Variants in SYNE1 observed in about 807,000 individuals in gnomAD.
SYNE1 encodes the protein spectrin repeat containing nuclear envelope protein 1.
SYNE1 carries 616 observed loss-of-function variants against 1,111.0 expected under a neutral mutation model. The ratio of observed to expected loss-of-function variants is 0.55; its 90% CI spans 0.52 to 0.59. The LOEUF is 0.59. Ranked by LOEUF, SYNE1 falls within the 20% of genes least tolerant of loss-of-function variation. SYNE1 has a pLI of 0.00. For synonymous variants in SYNE1, 3,855 were observed against 3,825.8 expected (o/e 1.01, Z -0.28); for missense variants, 10,006 against 10,417.0 (o/e 0.96, Z 1.72).
intron 3 of SYNE1, among the ~76,000 whole-genome samples, chr6:152,609,074 G>C (rs1477597777): frequency 6.6e-6 from 1 of 152,074 alleles, no homozygotes; most frequent in African/African-American, 2.4e-5. Context: ...GGTGATTTCT[G>C]CATTTCCAAC....
intron 130 of SYNE1, chr6:152,167,573 T>C: frequency 3.0e-6 from 1 of 336,920 alleles, no homozygotes; most frequent in Non-Finnish European, 6.0e-6. Context: ...TTTGCACATA[T>C]ATTTTATAAG....
In SYNE1 at chr6:152,262,909, G is replaced by A. The variant is rs2092220638; in HGVS notation, c.18816-721C>T. Among the ~76,000 whole-genome samples the A allele has an allele frequency of 2.6e-5, 4 of 152,178 alleles. No individual in the cohort carries two copies. The South Asian group carries it at 8.3e-4, about 32-fold the overall frequency. ...GTACAGGGCACGGAGGGATAGTACA[G>A]GGCCTGGGAAGGTAGCACAGGACAC... On this transcript the variant is annotated intron_variant, in intron 100 of 145. Transcript: ENST00000367255.
chr6:152,469,858 A>C (rs2098795394), intron 16 of SYNE1, among the ~76,000 whole-genome samples: 1 of 152,160 alleles, frequency 6.6e-6, no homozygotes, highest in South Asian at 2.1e-4. Context: ...ATCTAAAACA[A>C]TGTGAAACCC....
chr6:152,461,683 C>A lies in SYNE1; in HGVS notation c.2308G>T (p.Ala770Ser), dbSNP rs767407271. ...DAQYKIITKT[A>S]HLITKESPQE... ...GGGCTTTCTTTGGTAATGAGGTGTG[C>A]TGTCTTTGTAATTATCTTGTATTGG... is the stretch of plus-strand genomic sequence containing the variant. Residue 770 changes from alanine (A) to serine (S), a missense_variant, in exon 21 of 146, where the codon GCA becomes TCA. Ala to Ser is a moderately conservative substitution (Grantham distance 99, BLOSUM62 1). Transcript: ENST00000367255. 1.2e-6 allele frequency: 2 copies of A among 1,613,916 alleles called. No individual in the cohort carries two copies. Among genetic ancestry groups the A allele is most frequent in the Admixed American group, 1.7e-5 (1 of 59,980 alleles).
intron 125 of SYNE1, 109 bp from the exon 126 acceptor site, chr6:152,206,471 T>C (rs1266070365): frequency 1.7e-6 from 2 of 1,201,480 alleles, no homozygotes; most frequent in African/African-American, 1.5e-5. Flanking sequence ...CAGCAAGCAT[T>C]TACCGTAGTG....
chr6:152,399,509 C>T (rs981843382), intron 48 of SYNE1, 107 bp downstream of exon 48: 2 of 1,314,416 alleles, frequency 1.5e-6, no homozygotes, highest in African/African-American at 1.4e-5. Flanking sequence ...TTTGAAATGA[C>T]ACCCTGGAAA....
chr6:152,123,562 G>C (rs1403005575), intron 145 of SYNE1, among the ~76,000 whole-genome samples: 1 of 152,198 alleles, frequency 6.6e-6, no homozygotes, highest in Non-Finnish European at 1.5e-5. Flanking sequence ...AGTAGATTCT[G>C]AGTTGGGTGC....
intron 87 of SYNE1, among the ~76,000 whole-genome samples, chr6:152,313,495 G>C (rs1490982823): frequency 1.5e-5 from 2 of 133,992 alleles, no homozygotes; most frequent in African/African-American, 5.6e-5. Flanking sequence ...ATGGAGTCTT[G>C]CTCTGTGGCC....
At chr6:152,410,918 C>A (rs1287753713) in intron 42 of SYNE1, among the ~76,000 whole-genome samples, 1 of 151,984 alleles carries the variant, frequency 6.6e-6, no homozygotes, top group East Asian at 1.9e-4. Context: ...TTAAATAAAT[C>A]CAGATATATT....
chr6:152,280,663 G>A (rs1246436270), intron 97 of SYNE1, among the ~76,000 whole-genome samples: 2 of 152,154 alleles, frequency 1.3e-5, no homozygotes, highest in African/African-American at 4.8e-5. Flanking sequence ...CAAGAGAGAG[G>A]TGGCAGTATG....
At chr6:152,440,007 C>T (rs901643254) in intron 32 of SYNE1, among the ~76,000 whole-genome samples, 12 of 152,120 alleles carry the variant, frequency 7.9e-5, no homozygotes, top group Admixed American at 2.0e-4. Context: ...AACAACTTCT[C>T]GTTCACATCC....
chr6:152,534,151 C>T, intron 4 of SYNE1, among the ~76,000 whole-genome samples: 1 of 151,058 alleles, frequency 6.6e-6, no homozygotes, highest in Non-Finnish European at 1.5e-5. Context: ...GAGCAAGACT[C>T]TGTCTCAAAA....
intron 110 of SYNE1, 59 bp from the exon 111 acceptor site, chr6:152,234,859 C>T: frequency 6.3e-7 from 1 of 1,582,466 alleles, no homozygotes; most frequent in African/African-American, 1.3e-5. Context: ...TTCTACTCAC[C>T]TACGTTACTC....
Position 152,352,329 on chromosome 6 carries a change from C to A in SYNE1, c.11278G>T (p.Gly3760Cys). 1 of 1,614,126 alleles carries A rather than the reference C, an allele frequency of 6.2e-7. No homozygotes were observed. Among genetic ancestry groups the A allele is most frequent in the Non-Finnish European group, 8.5e-7 (1 of 1,180,038 alleles). ...CGGGCTGATTTCAGCAAACTGTGAC[C>A]TTTCTCCATGTCTTTGAGCAAAACC... is the stretch of plus-strand genomic sequence containing the variant. Reference protein sequence around the residue: ...LEVLLKDMEKGHSLLKSAREK... With the variant: ...LEVLLKDMEKCHSLLKSAREK... The change falls in exon 70 of 146, where the codon GGT becomes TGT. Residue 3760 changes from glycine to cysteine, a missense_variant. Gly to Cys is a radical substitution (Grantham distance 159). Transcript: ENST00000367255.
chr6:152,478,443 A>G (rs2098847889), intron 14 of SYNE1: 1 of 152,278 alleles, frequency 6.6e-6, no homozygotes, highest in Non-Finnish European at 1.5e-5. Flanking sequence ...GAAGGACAGG[A>G]ATTACCTTTT....
intron 11 of SYNE1, among the ~76,000 whole-genome samples, chr6:152,489,782 C>T (rs1017153915): frequency 1.3e-5 from 2 of 152,124 alleles, no homozygotes; most frequent in African/African-American, 4.8e-5. Context: ...GTTTCCTATG[C>T]CAGTGGTTCT....
intron 137 of SYNE1, chr6:152,144,902 T>A (rs2059196914): frequency 6.1e-6 from 1 of 163,050 alleles, no homozygotes; most frequent in Non-Finnish European, 1.4e-5. Context: ...TCTGTTCTTA[T>A]CTATGGCTCA....
intron 127 of SYNE1, among the ~76,000 whole-genome samples, chr6:152,197,583 G>A (rs1007512886): frequency 6.6e-6 from 1 of 152,192 alleles, no homozygotes; most frequent in African/African-American, 2.4e-5. Flanking sequence ...CATTAGTCTT[G>A]TACATCTCCA....
At chr6:152,221,205 G>A (rs1588122819) in intron 118 of SYNE1, among the ~76,000 whole-genome samples, 159 bp from the exon 119 acceptor site, 1 of 152,104 alleles carries the variant, frequency 6.6e-6, no homozygotes, top group African/African-American at 2.4e-5. Flanking sequence ...TAGTTTCAGG[G>A]TAGGTAATGA....
Sources: allele counts gnomAD v4.1 joint callset (sites outside exome capture counted in the v4.1 genomes callset), GRCh38; gene constraint gnomAD v4.1.1; transcripts MANE v1.5; gene names NCBI Gene and HGNC (gene_info 2026-07-23, HGNC 2026-07-21).